CNTN1: variants seen among roughly 807,000 people sequenced by gnomAD.
CNTN1 encodes contactin 1.
In CNTN1, 38 loss-of-function variants were observed where a neutral mutation model predicts 126.4. The observed-to-expected ratio is 0.30, with a 90% CI of 0.23 to 0.39. CNTN1 has a LOEUF of 0.39. CNTN1 is among the 10% of genes least tolerant of loss of function. The probability of loss-of-function intolerance (pLI) is 1.00; values close to 1 mark genes in which losing one functional copy is unlikely to be tolerated. For missense variants in CNTN1, 1,009 were observed against 1,248.4 expected (o/e 0.81, Z 2.89); for synonymous variants, 413 against 422.6 (o/e 0.98, Z 0.28).
intron 1 of CNTN1, among the ~76,000 whole-genome samples, chr12:40,709,943 T>A (rs1302164722): frequency 1.3e-5 from 2 of 152,224 alleles, no homozygotes; most frequent in African/African-American, 4.8e-5. Context: ...AAAGTAGTAC[T>A]GTTACATTTT....
intron 15 of CNTN1, chr12:40,971,940 G>A (rs1445732833): frequency 4.9e-6 from 5 of 1,022,948 alleles, no homozygotes; most frequent in Non-Finnish European, 5.8e-6. Flanking sequence ...ACTCTCTAAT[G>A]AGACATCATA....
chr12:41,010,621 A>T (rs944062640), intron 17 of CNTN1, among the ~76,000 whole-genome samples: 1 of 152,128 alleles, frequency 6.6e-6, no homozygotes, highest in African/African-American at 2.4e-5. Context: ...GTGCCTTTTT[A>T]ATAAACTTGT....
intron 15 of CNTN1, among the ~76,000 whole-genome samples, chr12:40,972,967 C>A (rs1432832030): frequency 6.6e-6 from 1 of 151,852 alleles, no homozygotes. Context: ...TGTGCTGCAC[C>A]CATTAACTCA....
At chr12:40,791,902 G>A (rs528117469) in intron 1 of CNTN1, among the ~76,000 whole-genome samples, 2 of 152,192 alleles carry the variant, frequency 1.3e-5, no homozygotes, top group Admixed American at 6.6e-5. Flanking sequence ...TGAAGATGTA[G>A]TCTGATCAAT....
At chr12:40,937,953 C>T (rs1195632296) in intron 11 of CNTN1, among the ~76,000 whole-genome samples, 1 of 152,176 alleles carries the variant, frequency 6.6e-6, no homozygotes, top group Non-Finnish European at 1.5e-5. Context: ...TGCAGAATCC[C>T]AGGCTCACCC....
intron 14 of CNTN1, among the ~76,000 whole-genome samples, chr12:40,951,740 A>G (rs986097673): frequency 1.3e-4 from 20 of 150,620 alleles, no homozygotes; most frequent in African/African-American, 4.1e-4. Flanking sequence ...AAAAAAAAAA[A>G]AAGAAGAAAA....
chr12:40,693,636 A>G (rs1375659717), intron 1 of CNTN1, among the ~76,000 whole-genome samples: 1 of 152,200 alleles, frequency 6.6e-6, no homozygotes, highest in Non-Finnish European at 1.5e-5. Flanking sequence ...TTTCATGCCA[A>G]ACCGGGCATG....
chr12:41,043,931 T>C (rs1381946005), intron 23 of CNTN1, among the ~76,000 whole-genome samples: 1 of 135,394 alleles, frequency 7.4e-6, no homozygotes, highest in Non-Finnish European at 1.5e-5. Context: ...TTCTCACTCA[T>C]AGGTGGGAAT....
At chr12:40,903,388 CT>C (rs112301816) in intron 1 of CNTN1, among the ~76,000 whole-genome samples, 13,341 of 130,742 alleles carry the variant, frequency 0.1, 617 homozygotes, top group Non-Finnish European at 0.13. Context: ...GTCAGAGTTG[CT>C]TTTTTTTTTT....
intron 1 of CNTN1, among the ~76,000 whole-genome samples, chr12:40,716,908 G>C (rs554876099): frequency 6.6e-6 from 1 of 152,120 alleles, no homozygotes; most frequent in Admixed American, 6.5e-5. Context: ...ACACTTTAAA[G>C]CTAACAATTA....
In CNTN1 at chr12:40,839,783, C is replaced by T. The variant is rs535684939; in HGVS notation, c.-76-68574C>T. On this transcript the variant is annotated intron_variant, in intron 1 of 23. Coordinates refer to ENST00000551295, the MANE Select transcript of CNTN1 (RefSeq NM_001843.4). ...GAAATGCTCGTCCTAAACCAGAAAGCAAAAGAACAACATTCACCAGCATGA... is the reference window on the plus strand; with the variant it reads ...GAAATGCTCGTCCTAAACCAGAAAGTAAAAGAACAACATTCACCAGCATGA... Among the ~76,000 whole-genome samples, 3 of 152,178 alleles carry T rather than the reference C, an allele frequency of 2.0e-5. No homozygotes were observed. The South Asian group carries it at 6.2e-4, about 32-fold the overall frequency.
At position 41,070,735 on chromosome 12, in the gene CNTN1, C is replaced by A. The variant is rs1296788423; in HGVS notation, c.*700C>A. 6.7e-6 allele frequency: 1 copy of A among 148,210 alleles called. No homozygotes were observed. The allele number at this position is 148,210 out of a possible 1,614,324, so 9.2% of individuals were successfully genotyped here. On this transcript the variant is annotated 3_prime_UTR_variant, in exon 24 of 24. Coordinates refer to ENST00000551295, the MANE Select transcript of CNTN1 (RefSeq NM_001843.4). ...GTTTTTTAATAGTAAAGTTAACATA[C>A]CATATAGATTTTTTTTTACTTTTAT... is the stretch of plus-strand genomic sequence containing the variant.
intron 23 of CNTN1, among the ~76,000 whole-genome samples, chr12:41,050,537 A>G (rs1033927729): frequency 2.0e-5 from 3 of 152,156 alleles, no homozygotes; most frequent in African/African-American, 7.2e-5. Context: ...ATTCATCCCC[A>G]TGATCCAATC....
At chr12:40,945,773 C>A in intron 14 of CNTN1, among the ~76,000 whole-genome samples, 1 of 149,574 alleles carries the variant, frequency 6.7e-6, no homozygotes. Flanking sequence ...AATTAGGAAA[C>A]AAATAATAAA....
intron 1 of CNTN1, among the ~76,000 whole-genome samples, chr12:40,892,985 G>A (rs1161642128): frequency 1.3e-5 from 2 of 149,776 alleles, no homozygotes; most frequent in Non-Finnish European, 3.0e-5. Flanking sequence ...ATACATGATT[G>A]AGTTGAAAAC....
At chr12:40,844,644 G>A (rs1942434621) in intron 1 of CNTN1, among the ~76,000 whole-genome samples, 1 of 152,130 alleles carries the variant, frequency 6.6e-6, no homozygotes, top group Admixed American at 6.5e-5. Context: ...GTCTTATAAA[G>A]ATTGTGACTA....
chr12:40,808,791 T>C (rs1940952221), intron 1 of CNTN1, among the ~76,000 whole-genome samples: 1 of 152,012 alleles, frequency 6.6e-6, no homozygotes, highest in South Asian at 2.1e-4. Flanking sequence ...AAGAAAGAGC[T>C]CAAGTCAAGG....
chr12:40,935,181 A>G (rs1424063806), intron 9 of CNTN1, among the ~76,000 whole-genome samples: 1 of 152,038 alleles, frequency 6.6e-6, no homozygotes, highest in Non-Finnish European at 1.5e-5. Flanking sequence ...CCACAGTAAC[A>G]TTAATGCAAT....
intron 1 of CNTN1, among the ~76,000 whole-genome samples, chr12:40,839,134 A>G (rs1188624662): frequency 6.6e-6 from 1 of 152,210 alleles, no homozygotes; most frequent in Non-Finnish European, 1.5e-5. Flanking sequence ...AAAACAAAAT[A>G]CATTTGAAAG....
Sources: gnomAD v4.1 joint callset for allele counts (sites outside exome capture counted in the v4.1 genomes callset) on GRCh38, gnomAD v4.1.1 for gene constraint, MANE v1.5 for transcripts, NCBI Gene and HGNC (gene_info 2026-07-23, HGNC 2026-07-21) for gene names.